The following SCAI variants were observed in gnomAD, a reference collection of about 807,000 sequenced individuals.
The protein encoded by SCAI is suppressor of cancer cell invasion.
A neutral mutation model predicts 92.2 loss-of-function variants in SCAI; 24 were observed. The observed-to-expected ratio is 0.26, with a 90% CI of 0.19 to 0.37. The LOEUF (loss-of-function observed/expected upper bound fraction) is 0.37, where lower values mean the gene tolerates loss of function less well. Among genes scored for constraint, SCAI ranks in the 10% least tolerant of loss-of-function variants. The probability of loss-of-function intolerance (pLI) is 1.00; values close to 1 mark genes in which losing one functional copy is unlikely to be tolerated. For synonymous variants in SCAI, 261 were observed against 258.6 expected (o/e 1.01, Z -0.09); for missense variants, 450 against 736.2 (o/e 0.61, Z 4.50).
intron 5 of SCAI, 85 bp from the exon 6 acceptor site, chr9:125,026,995 C>A (rs2131083816): frequency 1.5e-6 from 1 of 683,822 alleles, no homozygotes; most frequent in East Asian, 2.9e-5. Context: ...CCGCTGTATT[C>A]CTCTGTGGCA....
At chr9:125,063,154 A>C (rs1327509846) in intron 2 of SCAI, among the ~76,000 whole-genome samples, 1 of 151,234 alleles carries the variant, frequency 6.6e-6, no homozygotes, top group Non-Finnish European at 1.5e-5. Context: ...TCACGCCTGT[A>C]ATCCCAGCAC....
chr9:125,044,905 G>A (rs1428236244), intron 3 of SCAI, among the ~76,000 whole-genome samples: 1 of 152,182 alleles, frequency 6.6e-6, no homozygotes, highest in African/African-American at 2.4e-5. Flanking sequence ...ATCTAATCCA[G>A]CTGCAACCTT....
At position 124,948,775 on chromosome 9, in the gene SCAI, C is replaced by T. The variant is rs533384848; in HGVS notation, c.*4032G>A. The T allele has an allele frequency of 6.6e-6, 1 of 152,288 alleles. No individual in the cohort carries two copies. The highest frequency in any genetic ancestry group is 2.4e-5 in the African/African-American group (1 of 41,552). The allele number at this position is 152,288 out of a possible 1,614,324, so 9.4% of individuals were successfully genotyped here. Reference sequence around the variant, plus strand: ...AGTGATAGTTAAGAGAGATGAGAGACTATCAGAATCTCCAGGGACAGTTTG... The same window carrying T: ...AGTGATAGTTAAGAGAGATGAGAGATTATCAGAATCTCCAGGGACAGTTTG... On this transcript the variant is annotated 3_prime_UTR_variant, in exon 18 of 18. Coordinates refer to ENST00000336505, the MANE Select transcript of SCAI (RefSeq NM_001144877.3).
In SCAI at chr9:125,107,368, C is replaced by T. The variant is rs1476295654; in HGVS notation, c.98+35265G>A. Reference sequence around the variant, plus strand: ...AGGTTGCAGTGAGCCGAGATCGCCCCGCTGCACTCCAGCCTGGCGACAGAG... The same window carrying T: ...AGGTTGCAGTGAGCCGAGATCGCCCTGCTGCACTCCAGCCTGGCGACAGAG... On this transcript the variant is annotated intron_variant, in intron 2 of 17. Transcript: ENST00000336505. Among the ~76,000 whole-genome samples, 11 of 150,004 alleles carry T rather than the reference C, an allele frequency of 7.3e-5. No individual in the cohort carries two copies. In the South Asian group the frequency reaches 1.5e-3, roughly 20 times the overall value.
chr9:125,039,329 G>C (rs1282034232), intron 3 of SCAI, among the ~76,000 whole-genome samples: 2 of 148,964 alleles, frequency 1.3e-5, no homozygotes, highest in Non-Finnish European at 3.0e-5. Flanking sequence ...GGAGGCTGCA[G>C]TGAACCAAGA....
intron 3 of SCAI, among the ~76,000 whole-genome samples, chr9:125,052,421 A>C (rs1292457858): frequency 6.6e-6 from 1 of 152,084 alleles, no homozygotes; most frequent in African/African-American, 2.4e-5. Context: ...AAATACAAAA[A>C]TTAGCCGGGC....
intron 3 of SCAI, among the ~76,000 whole-genome samples, chr9:125,048,602 A>T (rs1230086629): frequency 6.6e-6 from 1 of 152,138 alleles, no homozygotes; most frequent in Non-Finnish European, 1.5e-5. Flanking sequence ...AGAAGGGGTC[A>T]ATGGAACAAA....
intron 17 of SCAI, among the ~76,000 whole-genome samples, chr9:124,965,067 AG>A (rs1193674826): frequency 6.6e-6 from 1 of 151,918 alleles, no homozygotes; most frequent in Non-Finnish European, 1.5e-5. Flanking sequence ...GGTTGGCAGA[AG>A]CTGCTTCTCG....
intron 14 of SCAI, among the ~76,000 whole-genome samples, chr9:124,984,319 A>G (rs542500848): frequency 8.5e-5 from 13 of 152,344 alleles, no homozygotes; most frequent in South Asian, 4.1e-4. Flanking sequence ...ATATGTAAGC[A>G]GAAAAAATAA....
At chr9:125,092,387 A>G (rs531858756) in intron 2 of SCAI, among the ~76,000 whole-genome samples, 1 of 152,186 alleles carries the variant, frequency 6.6e-6, no homozygotes, top group East Asian at 1.9e-4. Flanking sequence ...CAGGAGTCGG[A>G]GGCTACAGTG....
intron 2 of SCAI, among the ~76,000 whole-genome samples, chr9:125,125,901 C>T (rs547857244): frequency 3.5e-5 from 4 of 113,948 alleles, no homozygotes; most frequent in Admixed American, 2.0e-4. Context: ...TGCATGCGTG[C>T]GTACACGTAC....
At chr9:125,081,377 A>G (rs762777858) in intron 2 of SCAI, among the ~76,000 whole-genome samples, 1 of 152,226 alleles carries the variant, frequency 6.6e-6, no homozygotes, top group Non-Finnish European at 1.5e-5. Context: ...TCAGATGGAG[A>G]TAAGGAACTT....
At chr9:125,018,062 G>A (rs559998825) in intron 9 of SCAI, among the ~76,000 whole-genome samples, 1 of 151,660 alleles carries the variant, frequency 6.6e-6, no homozygotes, top group East Asian at 1.9e-4. Flanking sequence ...TTGCTTGATT[G>A]GAAAGTAGGA....
chr9:124,970,783 G>C (rs985225647), intron 17 of SCAI, among the ~76,000 whole-genome samples: 2 of 151,992 alleles, frequency 1.3e-5, no homozygotes, highest in African/African-American at 4.8e-5. Flanking sequence ...AGGGAGATAG[G>C]ATCAGGGATG....
At chr9:124,962,764 A>G (rs1309187015) in intron 17 of SCAI, among the ~76,000 whole-genome samples, 1 of 151,770 alleles carries the variant, frequency 6.6e-6, no homozygotes, top group Non-Finnish European at 1.5e-5. Flanking sequence ...TACTTTGTAT[A>G]TTATATGTAT....
At chr9:125,092,286 C>T (rs540006904) in intron 2 of SCAI, among the ~76,000 whole-genome samples, 4 of 150,632 alleles carry the variant, frequency 2.7e-5, no homozygotes, top group South Asian at 2.1e-4. Flanking sequence ...GGTGAAACAC[C>T]GTCTCTACTA....
intron 2 of SCAI, among the ~76,000 whole-genome samples, chr9:125,071,442 G>A (rs907550900): frequency 2.0e-5 from 3 of 152,040 alleles, no homozygotes; most frequent in Non-Finnish European, 4.4e-5. Context: ...AAAGAGAAAT[G>A]CATAGGTACC....
At chr9:125,052,715 G>A (rs944999189) in intron 3 of SCAI, among the ~76,000 whole-genome samples, 3 of 151,968 alleles carry the variant, frequency 2.0e-5, no homozygotes, top group African/African-American at 4.8e-5. Flanking sequence ...CTTGTATCCA[G>A]AATATATAAA....
intron 2 of SCAI, among the ~76,000 whole-genome samples, chr9:125,130,233 T>C (rs1835370051): frequency 6.6e-6 from 1 of 152,070 alleles, no homozygotes. Flanking sequence ...AAATTAACTC[T>C]ATCAATTTAC....
Sources: allele counts gnomAD v4.1 joint callset (sites outside exome capture counted in the v4.1 genomes callset), GRCh38; gene constraint gnomAD v4.1.1; transcripts MANE v1.5; gene names NCBI Gene and HGNC (gene_info 2026-07-23, HGNC 2026-07-21).